Variants in NDST2 observed in about 807,000 individuals in gnomAD.
NDST2 encodes the protein bifunctional heparan sulfate N-deacetylase/N-sulfotransferase 2.
NDST2 carries 32 observed loss-of-function variants against 86.9 expected under a neutral mutation model. That is an observed-to-expected ratio of 0.37 (90% CI 0.28 to 0.49). The LOEUF (loss-of-function observed/expected upper bound fraction) is 0.49, where lower values mean the gene tolerates loss of function less well. Among genes scored for constraint, NDST2 ranks in the 20% least tolerant of loss-of-function variants. The pLI, the probability that NDST2 is intolerant of heterozygous loss-of-function variation, is 0.97. For synonymous variants in NDST2, 409 were observed against 437.0 expected (o/e 0.94, Z 0.80); for missense variants, 950 against 1,146.9 (o/e 0.83, Z 2.48).
intron 9 of NDST2, among the ~76,000 whole-genome samples, chr10:73,804,374 C>T (rs1239267944): frequency 6.6e-6 from 1 of 152,212 alleles, no homozygotes; most frequent in Non-Finnish European, 1.5e-5. Context: ...GGTGCGGTGG[C>T]TCATGCCTGT....
In NDST2 at chr10:73,806,519, G is replaced by T. The variant is rs371548837; in HGVS notation, c.1249-45C>A. ...TCACCAGGACCTGGTGAGGTTTGGGGAGTAGAGGGTAAAGAGGGTGGGGAA... is the reference window on the plus strand; with the variant it reads ...TCACCAGGACCTGGTGAGGTTTGGGTAGTAGAGGGTAAAGAGGGTGGGGAA... On this transcript the variant is annotated intron_variant, in intron 5 of 14. Coordinates refer to ENST00000309979, the MANE Select transcript of NDST2 (RefSeq NM_003635.4). The surrounding 1 kb of genome is among the most constrained non-coding windows in gnomAD (Gnocchi z 4.5). 2.9e-5 allele frequency: 45 copies of T among 1,557,140 alleles called. No individual in the cohort carries two copies. Among genetic ancestry groups the T allele is most frequent in the Non-Finnish European group, 3.8e-5 (44 of 1,148,806 alleles).
At position 73,807,884 on chromosome 10, in the gene NDST2, T is replaced by A; in HGVS notation, c.505A>T (p.Ile169Phe). The change falls in exon 3 of 15, where the codon ATT becomes TTT. Residue 169 changes from isoleucine (I) to phenylalanine (F), a missense_variant. Physicochemically the swap from Ile to Phe is conservative, Grantham distance 21. Around this residue, in one of 5 missense-constraint regions of NDST2, gnomAD observed 586 missense variants for 714.0 expected, o/e 0.82. Coordinates refer to ENST00000309979, the MANE Select transcript of NDST2 (RefSeq NM_003635.4). The stretch of plus-strand genomic sequence containing the variant: ...TGCTCGTGGGCTCGGAAAAAGCCAA[T>A]GATGCCCACACCATACTCCACGCAG... ...RYCVEYGVGI[I>F]GFFRAHEHSL... 1 of 1,613,892 alleles carries A rather than the reference T, an allele frequency of 6.2e-7. No homozygotes were observed. The highest frequency in any genetic ancestry group is 8.5e-7 in the Non-Finnish European group (1 of 1,179,858).
Position 73,808,317 on chromosome 10 carries a change from G to C in NDST2, c.72C>G (p.Ile24Met), listed in dbSNP as rs374165222. 1 of 1,594,750 alleles carries C rather than the reference G, an allele frequency of 6.3e-7. No individual in the cohort carries two copies. Among genetic ancestry groups the C allele is most frequent in the Non-Finnish European group, 8.5e-7 (1 of 1,170,870 alleles). ...AGCCCATGGAGCCCAGGCTGAAAGCGATCAGCAGCAGTATGAGGCGGTGCA... is the reference window on the plus strand; with the variant it reads ...AGCCCATGGAGCCCAGGCTGAAAGCCATCAGCAGCAGTATGAGGCGGTGCA... Reference protein sequence around the residue: ...LELHRLILLLIAFSLGSMGFL... With the variant: ...LELHRLILLLMAFSLGSMGFL... Residue 24 changes from isoleucine (I) to methionine (M), a missense_variant, in exon 3 of 15, where the codon ATC becomes ATG. Ile to Met is a conservative substitution (Grantham distance 10). Transcript: ENST00000309979. The surrounding 1 kb of genome is among the most constrained non-coding windows in gnomAD (Gnocchi z 4.3).
At chr10:73,809,953 G>T (rs1438955875) in intron 2 of NDST2, among the ~76,000 whole-genome samples, 1 of 152,058 alleles carries the variant, frequency 6.6e-6, no homozygotes, top group East Asian at 1.9e-4. Flanking sequence ...GGCTGGTCTT[G>T]AACTCCTGGG....
intron 7 of NDST2, 52 bp downstream of exon 7, chr10:73,805,848 C>T (rs1026882326): frequency 5.6e-6 from 9 of 1,613,284 alleles, no homozygotes; most frequent in Admixed American, 5.0e-5. Flanking sequence ...AGGTCCCAGC[C>T]TGCAAACACC....
chr10:73,806,278 G>A lies in NDST2; in HGVS notation c.1434+11C>T. On this transcript the variant is annotated intron_variant, in intron 6 of 14. Transcript: ENST00000309979. This position sits in a 1 kb window ranked among gnomAD's most constrained non-coding sequence, Gnocchi z 4.5. The stretch of plus-strand genomic sequence containing the variant: ...AGAGTTTGATTCAAGCCTGTATTGG[G>A]AGTCCCTCACCATAATGCCATTGTG... 3 of 1,613,276 alleles carry A rather than the reference G, an allele frequency of 1.9e-6. No homozygotes were observed. Among genetic ancestry groups the A allele is most frequent in the Non-Finnish European group, 2.5e-6 (3 of 1,179,896 alleles).
chr10:73,808,384 A>C lies in NDST2; in HGVS notation c.5T>G (p.Leu2Arg). 6.3e-7 allele frequency: 1 copy of C among 1,590,632 alleles called. No homozygotes were observed. The highest frequency in any genetic ancestry group is 1.3e-5 in the African/African-American group (1 of 74,460). The change falls in exon 3 of 15, where the codon CTC becomes CGC. Residue 2 changes from leucine to arginine, a missense_variant. Leu to Arg is a moderately radical substitution (Grantham distance 102, BLOSUM62 -2). Around this residue, in one of 5 missense-constraint regions of NDST2, gnomAD observed 38 missense variants for 42.5 expected, o/e 0.89. Transcript: ENST00000309979. This position sits in a 1 kb window ranked among gnomAD's most constrained non-coding sequence, Gnocchi z 4.3. M[L>R]QLWKVVRPAR... ...TGGGCGTACCACCTTCCACAACTGG[A>C]GCATGGCGGGGGGAGGAAGGGAGGG...
At chr10:73,805,513 C>T (rs2084084522) in intron 8 of NDST2, 74 bp downstream of exon 8, 2 of 1,461,444 alleles carry the variant, frequency 1.4e-6, no homozygotes, top group Admixed American at 3.7e-5. Context: ...GATTCTGTCT[C>T]AAAACAACAA....
At position 73,807,889 on chromosome 10, in the gene NDST2, C is replaced by G. The variant is rs758826011; in HGVS notation, c.500G>C (p.Gly167Ala). Residue 167 changes from glycine (G) to alanine (A), a missense_variant, in exon 3 of 15, where the codon GGC becomes GCC. Physicochemically the swap from Gly to Ala is moderately conservative, Grantham distance 60. Transcript: ENST00000309979. ...GTGGGCTCGGAAAAAGCCAATGATG[C>G]CCACACCATACTCCACGCAGTACCG... ...LDRYCVEYGVGIIGFFRAHEH... is the reference protein window; with the variant it reads ...LDRYCVEYGVAIIGFFRAHEH... The G allele has an allele frequency of 7.4e-6, 12 of 1,614,020 alleles. No individual in the cohort carries two copies. In the East Asian group the frequency reaches 2.5e-4, roughly 33 times the overall value.
chr10:73,811,003 G>A (rs895022505), intron 1 of NDST2, 100 bp from the exon 2 acceptor site: 13 of 396,668 alleles, frequency 3.3e-5, no homozygotes, highest in African/African-American at 2.5e-4. Context: ...GTGGGTGTGT[G>A]CGGGAGATCT....
chr10:73,807,907 C>T lies in NDST2; in HGVS notation c.482G>A (p.Cys161Tyr). Residue 161 changes from cysteine (C) to tyrosine (Y), a missense_variant, in exon 3 of 15, where the codon TGC becomes TAC. By Grantham distance (194) the Cys-to-Tyr change is radical (BLOSUM62 -2). Around this residue, in one of 5 missense-constraint regions of NDST2, gnomAD observed 586 missense variants for 714.0 expected, o/e 0.82. Transcript: ENST00000309979. ...AATGATGCCCACACCATACTCCACGCAGTACCGGTCTAGCAGTTCCCGACT... is the reference window on the plus strand; with the variant it reads ...AATGATGCCCACACCATACTCCACGTAGTACCGGTCTAGCAGTTCCCGACT... ...AWSRELLDRY[C>Y]VEYGVGIIGF... 2 of 1,614,238 alleles carry T rather than the reference C, an allele frequency of 1.2e-6. No homozygotes were observed. Among genetic ancestry groups the T allele is most frequent in the Non-Finnish European group, 1.7e-6 (2 of 1,180,044 alleles).
rs768102244 is a variant in NDST2, at chr10:73,806,333, G to A, written c.1390C>T (p.Arg464Cys). ...AAGCCACGGCGGTAGCGGGCAGGGC[G>A]GAGATGGGGATACTCCTCAGTGCTG... The part of the protein sequence containing the change: ...VTSTEEYPHL[R>C]PARYRRGFIH... The change falls in exon 6 of 15, where the codon CGC becomes TGC. Residue 464 changes from arginine (R) to cysteine (C), a missense_variant. Arg to Cys is a radical substitution (Grantham distance 180, BLOSUM62 -3). Around this residue, in one of 5 missense-constraint regions of NDST2, gnomAD observed 586 missense variants for 714.0 expected, o/e 0.82. Coordinates refer to ENST00000309979, the MANE Select transcript of NDST2 (RefSeq NM_003635.4). This position sits in a 1 kb window ranked among gnomAD's most constrained non-coding sequence, Gnocchi z 4.5. 3.1e-6 allele frequency: 5 copies of A among 1,614,110 alleles called. No homozygotes were observed. The highest frequency in any genetic ancestry group is 2.2e-5 in the East Asian group (1 of 44,878).
In NDST2 at chr10:73,808,700, G is replaced by A. The variant is rs530896585; in HGVS notation, c.-312C>T. The A allele has an allele frequency of 6.3e-6, 2 of 318,626 alleles. No homozygotes were observed. The highest frequency in any genetic ancestry group is 5.4e-5 in the East Asian group (1 of 18,594). The allele number at this position is 318,626 out of a possible 1,614,324, so 19.7% of individuals were successfully genotyped here. A position where few individuals can be genotyped will look rare whatever the true frequency, so the allele number is the denominator to read the frequency against. Reference sequence around the variant, plus strand: ...CCTGGCTGAGCGCCTCACATCAAAGGTCAGCAAAGTTCAATCTCTTCCCCT... The same window carrying A: ...CCTGGCTGAGCGCCTCACATCAAAGATCAGCAAAGTTCAATCTCTTCCCCT... On this transcript the variant is annotated 5_prime_UTR_variant, in exon 3 of 15. Transcript: ENST00000309979. This position sits in a 1 kb window ranked among gnomAD's most constrained non-coding sequence, Gnocchi z 4.3.
rs1410441232 is a variant in NDST2 at position 73,807,915 on chromosome 10, G to C, written c.474C>G (p.Asp158Glu). ...NLDAWSRELL[D>E]RYCVEYGVGI... The stretch of plus-strand genomic sequence containing the variant: ...CCACACCATACTCCACGCAGTACCG[G>C]TCTAGCAGTTCCCGACTCCAGGCAT... Residue 158 changes from aspartate (D) to glutamate (E), a missense_variant, in exon 3 of 15, where the codon GAC (aspartate) becomes GAG (glutamate). By Grantham distance (45) the Asp-to-Glu change is conservative. Around this residue, in one of 5 missense-constraint regions of NDST2, gnomAD observed 586 missense variants for 714.0 expected, o/e 0.82. Transcript: ENST00000309979. The C allele has an allele frequency of 6.2e-7, 1 of 1,614,226 alleles. No homozygotes were observed. Among genetic ancestry groups the C allele is most frequent in the East Asian group, 2.2e-5 (1 of 44,882 alleles).
Position 73,810,870 on chromosome 10 carries a change from C to CCG in NDST2, c.-415_-414dup. 3 of 399,174 alleles carry CCG rather than the reference C, an allele frequency of 7.5e-6. No individual in the cohort carries two copies. The highest frequency in any genetic ancestry group is 1.3e-5 in the Non-Finnish European group (3 of 226,114). The allele number at this position is 399,174 out of a possible 1,614,324, so 24.7% of individuals were successfully genotyped here. On this transcript the variant is annotated 5_prime_UTR_variant, in exon 2 of 15. An upstream open reading frame in the 5' UTR gains an earlier in-frame stop. Transcript: ENST00000309979. ...ACGTCAGGCCTGTCAAGCTCCAGAG[C>CCG]CGCGTTCTTAGCCGCTGCATTTTAG... is the stretch of plus-strand genomic sequence containing the variant.
Position 73,807,688 on chromosome 10 carries a change from T to A in NDST2, c.701A>T (p.His234Leu). 1 of 1,614,214 alleles carries A rather than the reference T, an allele frequency of 6.2e-7. No individual in the cohort carries two copies. Among genetic ancestry groups the A allele is most frequent in the East Asian group, 2.2e-5 (1 of 44,890 alleles). Residue 234 changes from histidine (H) to leucine (L), a missense_variant, in exon 3 of 15, where the codon CAT becomes CTT. His to Leu is a moderately conservative substitution (Grantham distance 99, BLOSUM62 -3). Around this residue, in one of 5 missense-constraint regions of NDST2, gnomAD observed 586 missense variants for 714.0 expected, o/e 0.82. Coordinates refer to ENST00000309979, the MANE Select transcript of NDST2 (RefSeq NM_003635.4). ...GDDWTIFQSN[H>L]STYEPVLLAS... ...AAGAAGCACTGGTTCATATGTACTA[T>A]GATTGGATTGGAAGATGGTCCAGTC...
Position 73,808,583 on chromosome 10 carries a change from G to A in NDST2, c.-195C>T, listed in dbSNP as rs1589616713. ...TAGGGGAGGTAGAAGGGGAAGCAGG[G>A]GGCAACTATACAGAGTCCACTTGTC... On this transcript the variant is annotated 5_prime_UTR_variant, in exon 3 of 15. Transcript: ENST00000309979. This position sits in a 1 kb window ranked among gnomAD's most constrained non-coding sequence, Gnocchi z 4.3. 1 of 590,230 alleles carries A rather than the reference G, an allele frequency of 1.7e-6. No individual in the cohort carries two copies. The highest frequency in any genetic ancestry group is 3.0e-6 in the Non-Finnish European group (1 of 337,408). The allele number at this position is 590,230 out of a possible 1,614,324, so 36.6% of individuals were successfully genotyped here.
rs1186591657 is a variant in NDST2 at position 73,811,547 on chromosome 10, CG to C, written c.-521del. 2.0e-5 allele frequency: 3 copies of C among 152,144 alleles called. No individual in the cohort carries two copies. Among genetic ancestry groups the C allele is most frequent in the Non-Finnish European group, 4.4e-5 (3 of 68,034 alleles). 9.4% of individuals were successfully genotyped at this position (152,144 alleles called of 1,614,324 possible). ...CGGGGCTGCCCGGCTTCCCTGCTTT[CG>C]GGGCCACGGGCCGCGTCGCGGCTGC... On this transcript the variant is annotated 5_prime_UTR_variant, in exon 1 of 15. An upstream open reading frame in the 5' UTR loses its in-frame stop. Coordinates refer to ENST00000309979, the MANE Select transcript of NDST2 (RefSeq NM_003635.4).
In NDST2 at chr10:73,808,875, C is replaced by A. The variant is rs1229217227; in HGVS notation, c.-341-146G>T. The A allele has an allele frequency of 6.4e-6, 1 of 156,952 alleles. No individual in the cohort carries two copies. Among genetic ancestry groups the A allele is most frequent in the Non-Finnish European group, 1.4e-5 (1 of 71,002 alleles). The allele number at this position is 156,952 out of a possible 1,614,324, so 9.7% of individuals were successfully genotyped here. A position where few individuals can be genotyped will look rare whatever the true frequency, so the allele number is the denominator to read the frequency against. On this transcript the variant is annotated intron_variant, in intron 2 of 14. Transcript: ENST00000309979. The surrounding 1 kb of genome is among the most constrained non-coding windows in gnomAD (Gnocchi z 4.3). ...AAAAAAAAGTTTCCTCTAGGAGAAT[C>A]TACAAGCTGAGTCCTATACCTTAGC...
Sources: gnomAD v4.1 joint callset for allele counts (sites outside exome capture counted in the v4.1 genomes callset) on GRCh38, gnomAD v4.1.1 for gene constraint, gnomAD v4.1.1 regional missense constraint, Gnocchi (gnomAD v3.1) non-coding constraint, MANE v1.5 for transcripts, NCBI Gene and HGNC (gene_info 2026-07-23, HGNC 2026-07-21) for gene names.